SH2D4A: variants seen among roughly 807,000 people sequenced by gnomAD.
SH2D4A encodes the protein SH2 domain containing 4A.
SH2D4A carries 70 observed loss-of-function variants against 64.7 expected under a neutral mutation model. That is an observed-to-expected ratio of 1.08 (90% CI 0.89 to 1.32). The LOEUF (loss-of-function observed/expected upper bound fraction) is 1.32. SH2D4A is among the 40% of genes most tolerant of loss of function. The pLI, the probability that SH2D4A is intolerant of heterozygous loss-of-function variation, is 0.00. For missense variants in SH2D4A, 706 were observed against 540.1 expected (o/e 1.31, Z -3.04); for synonymous variants, 268 against 200.7 (o/e 1.34, Z -2.83).
At chr8:19,351,407 T>C (rs2117256485) in intron 4 of SH2D4A, among the ~76,000 whole-genome samples, 1 of 152,150 alleles carries the variant, frequency 6.6e-6, no homozygotes, top group Admixed American at 6.5e-5. Flanking sequence ...ATGGAGACCA[T>C]CCTGGCTAAC....
At chr8:19,383,730 T>A (rs188707056) in intron 8 of SH2D4A, among the ~76,000 whole-genome samples, 138 of 152,268 alleles carry the variant, frequency 9.1e-4, no homozygotes, top group Admixed American at 2.1e-3. Flanking sequence ...TTAGCCTGTA[T>A]CTTTACATGG....
intron 2 of SH2D4A, among the ~76,000 whole-genome samples, chr8:19,322,645 C>A (rs1415552457): frequency 7.8e-6 from 1 of 128,270 alleles, no homozygotes; most frequent in Non-Finnish European, 1.6e-5. Context: ...AAGACAGAGT[C>A]TTGCTCTGTC....
At chr8:19,314,033 GTCC>G (rs1325801341) in intron 1 of SH2D4A, 7 of 19,118 alleles carry the variant, frequency 3.7e-4, no homozygotes, top group African/African-American at 6.4e-3. Flanking sequence ...CGCGGCGGGT[GTCC>G]GGTGTCCGGT....
chr8:19,322,220 G>T (rs965711091), intron 2 of SH2D4A, among the ~76,000 whole-genome samples: 1 of 152,168 alleles, frequency 6.6e-6, no homozygotes, highest in East Asian at 1.9e-4. Flanking sequence ...AAGCAATGCT[G>T]TCATGGCTGG....
Position 19,348,402 on chromosome 8 carries a change from A to G in SH2D4A, c.514-8801A>G, listed in dbSNP as rs1229868083. Among the ~76,000 whole-genome samples the G allele has an allele frequency of 2.0e-5, 3 of 152,186 alleles. No individual in the cohort carries two copies. The East Asian group carries it at 5.8e-4, about 29-fold the overall frequency. ...CACTTATATTTTTAAGTGTTATTGT[A>G]ACTCATAGTGTTATGTTTCCATGAG... is the stretch of plus-strand genomic sequence containing the variant. On this transcript the variant is annotated intron_variant, in intron 4 of 9. Coordinates refer to ENST00000265807, the MANE Select transcript of SH2D4A (RefSeq NM_022071.4).
chr8:19,361,859 A>C (rs1236121180), intron 6 of SH2D4A, among the ~76,000 whole-genome samples: 2 of 152,158 alleles, frequency 1.3e-5, no homozygotes, highest in African/African-American at 4.8e-5. Flanking sequence ...TTGTAATCAG[A>C]AGCACACAGG....
intron 1 of SH2D4A, among the ~76,000 whole-genome samples, chr8:19,316,539 T>C (rs2052091826): frequency 6.6e-6 from 1 of 152,202 alleles, no homozygotes; most frequent in African/African-American, 2.4e-5. Flanking sequence ...AGTCGGTTCC[T>C]TGCTGTCCTT....
At chr8:19,367,503 AT>A (rs1413978581) in intron 7 of SH2D4A, among the ~76,000 whole-genome samples, 4 of 151,946 alleles carry the variant, frequency 2.6e-5, no homozygotes, top group African/African-American at 4.8e-5. Flanking sequence ...GGTATTGGGC[AT>A]TTTTTTCGTA....
At chr8:19,393,651 ACAGGGGTGGGG>A in intron 9 of SH2D4A, 110 bp downstream of exon 9, 1 of 1,030,020 alleles carries the variant, frequency 9.7e-7, no homozygotes, top group Non-Finnish European at 1.4e-6. Context: ...TGGGGAGGGG[ACAGGGGTGGGG>A]GCTTGTCTTT....
chr8:19,395,097 G>C lies in SH2D4A; in HGVS notation c.*455G>C, dbSNP rs1360716291. The C allele has an allele frequency of 6.6e-6, 1 of 152,362 alleles. No individual in the cohort carries two copies. The highest frequency in any genetic ancestry group is 1.5e-5 in the Non-Finnish European group (1 of 68,156). 9.4% of individuals were successfully genotyped at this position (152,362 alleles called of 1,614,324 possible). A position where few individuals can be genotyped will look rare whatever the true frequency, so the allele number is the denominator to read the frequency against. ...ATGGTAGCAAAAGCCTTTCCTGGCT[G>C]AGATGATGCTTAAAACACACCTCAC... On this transcript the variant is annotated 3_prime_UTR_variant, in exon 10 of 10. Coordinates refer to ENST00000265807, the MANE Select transcript of SH2D4A (RefSeq NM_022071.4).
intron 1 of SH2D4A, among the ~76,000 whole-genome samples, chr8:19,316,589 G>C (rs749950132): frequency 1.3e-5 from 2 of 152,216 alleles, no homozygotes; most frequent in Non-Finnish European, 2.9e-5. Context: ...CCTAAGCTTA[G>C]CTACAGTTGA....
chr8:19,318,130 T>C (rs2117167195), intron 1 of SH2D4A, among the ~76,000 whole-genome samples: 1 of 152,288 alleles, frequency 6.6e-6, no homozygotes, highest in Non-Finnish European at 1.5e-5. Context: ...GGTCTCGAAC[T>C]CCTGACCTCG....
chr8:19,370,232 G>C (rs75994627), intron 7 of SH2D4A, among the ~76,000 whole-genome samples: 1 of 152,010 alleles, frequency 6.6e-6, no homozygotes, highest in Non-Finnish European at 1.5e-5. Context: ...GTATTCTGCA[G>C]CTGGTTGATT....
At chr8:19,360,007 C>T (rs528684294) in intron 5 of SH2D4A, among the ~76,000 whole-genome samples, 10 of 152,320 alleles carry the variant, frequency 6.6e-5, no homozygotes, top group African/African-American at 2.4e-4. Flanking sequence ...GTCCACCAAA[C>T]TGTAAATTCA....
At chr8:19,335,998 C>T (rs1286605994) in intron 4 of SH2D4A, among the ~76,000 whole-genome samples, 1 of 152,152 alleles carries the variant, frequency 6.6e-6, no homozygotes. Context: ...TTGAGGCTAT[C>T]ATATGGGAAT....
At chr8:19,379,748 C>A (rs994499406) in intron 8 of SH2D4A, among the ~76,000 whole-genome samples, 4 of 152,008 alleles carry the variant, frequency 2.6e-5, no homozygotes, top group Non-Finnish European at 5.9e-5. Context: ...CCTTTTTTCT[C>A]TTTTAAGAGA....
chr8:19,338,334 A>G (rs1218937821), intron 4 of SH2D4A, among the ~76,000 whole-genome samples: 2 of 152,286 alleles, frequency 1.3e-5, no homozygotes, highest in East Asian at 3.9e-4. Context: ...TAAACAATCT[A>G]TTTGTTAGGC....
intron 8 of SH2D4A, among the ~76,000 whole-genome samples, chr8:19,379,939 T>C (rs1411335899): frequency 6.6e-6 from 1 of 152,144 alleles, no homozygotes; most frequent in Non-Finnish European, 1.5e-5. Flanking sequence ...TCTCACTGTG[T>C]TGCTCAGGCT....
intron 5 of SH2D4A, among the ~76,000 whole-genome samples, chr8:19,359,861 G>T (rs2052851895): frequency 1.3e-5 from 2 of 152,214 alleles, no homozygotes; most frequent in South Asian, 4.1e-4. Context: ...TGACATAATA[G>T]CAAGGAAGTC....
Sources: allele counts gnomAD v4.1 joint callset (sites outside exome capture counted in the v4.1 genomes callset), GRCh38; gene constraint gnomAD v4.1.1; transcripts MANE v1.5; gene names NCBI Gene and HGNC (gene_info 2026-07-23, HGNC 2026-07-21).